The following SORCS2 variants were observed in gnomAD, a reference collection of about 807,000 sequenced individuals.
SORCS2 encodes VPS10 domain-containing receptor SorCS2.
In SORCS2, 100 loss-of-function variants were observed where a neutral mutation model predicts 141.6. The observed-to-expected ratio is 0.71, with a 90% CI of 0.60 to 0.83. SORCS2 has a LOEUF of 0.83. Among genes scored for constraint, SORCS2 ranks in the 40% least tolerant of loss-of-function variants. The pLI is 0.00. For synonymous variants in SORCS2, 789 were observed against 676.9 expected (o/e 1.17, Z -2.57); for missense variants, 1,646 against 1,560.2 (o/e 1.05, Z -0.93).
intron 3 of SORCS2, among the ~76,000 whole-genome samples, chr4:7,543,510 TCCATCC>T (rs1712878200): frequency 7.2e-6 from 1 of 138,844 alleles, no homozygotes; most frequent in African/African-American, 2.7e-5. Context: ...CATCCATCCA[TCCATCC>T]ATCCGTCCAT....
intron 1 of SORCS2, among the ~76,000 whole-genome samples, chr4:7,351,407 G>A (rs1267240633): frequency 6.6e-6 from 1 of 152,078 alleles, no homozygotes; most frequent in Non-Finnish European, 1.5e-5. Flanking sequence ...TTCCAGCTCT[G>A]CTCTGTCTGC....
chr4:7,558,040 A>G lies in SORCS2; in HGVS notation c.648+26411A>G, dbSNP rs116237241. 8.8e-3 allele frequency among the ~76,000 whole-genome samples: 1,347 copies of G among 152,266 alleles called. 20 individuals carry two copies. Among genetic ancestry groups the G allele is most frequent in the African/African-American group, 0.03 (1,242 of 41,550 alleles). On this transcript the variant is annotated intron_variant, in intron 3 of 26. Coordinates refer to ENST00000507866, the MANE Select transcript of SORCS2 (RefSeq NM_020777.3). ...TGAAGCCTCTGAGGTTTCCTACAAC[A>G]CTAGAGCCGGAGGAGGTGTTGAGTG...
intron 11 of SORCS2, among the ~76,000 whole-genome samples, chr4:7,694,910 GA>G (rs2063513886): frequency 1.4e-4 from 21 of 151,986 alleles, no homozygotes; most frequent in Admixed American, 9.2e-4. Context: ...GCTCCACTCG[GA>G]GGCTCTTTCC....
At chr4:7,509,113 A>G (rs1219031158) in intron 2 of SORCS2, among the ~76,000 whole-genome samples, 2 of 152,222 alleles carry the variant, frequency 1.3e-5, no homozygotes, top group African/African-American at 4.8e-5. Context: ...TTCTGTACAT[A>G]GAACAGAGTC....
At position 7,374,895 on chromosome 4, in the gene SORCS2, G is replaced by A. The variant is rs148544542; in HGVS notation, c.481-21393G>A. ...GGGTGTGTGGTCTGCATGGGCTTGCGGGCAAGGCCTGGAGCTGGGCTGGAG... is the reference window on the plus strand; with the variant it reads ...GGGTGTGTGGTCTGCATGGGCTTGCAGGCAAGGCCTGGAGCTGGGCTGGAG... On this transcript the variant is annotated intron_variant, in intron 1 of 26. Transcript: ENST00000507866. Among the ~76,000 whole-genome samples the A allele has an allele frequency of 7.7e-3, 1,171 of 152,256 alleles. 8 individuals carry two copies. The highest frequency in any genetic ancestry group is 0.01 in the Non-Finnish European group (697 of 68,010).
intron 3 of SORCS2, among the ~76,000 whole-genome samples, chr4:7,553,697 T>C (rs1713898855): frequency 6.6e-6 from 1 of 152,160 alleles, no homozygotes. Context: ...ACAGCTGTTG[T>C]TGTGAGAATG....
rs372004331 is a variant in SORCS2, at chr4:7,412,598, G to C, written c.548+16243G>C. Among the ~76,000 whole-genome samples, 100 of 152,206 alleles carry C rather than the reference G, an allele frequency of 6.6e-4. 1 individual carries two copies. In the South Asian group the frequency reaches 0.019, roughly 28 times the overall value. On this transcript the variant is annotated intron_variant, in intron 2 of 26. Transcript: ENST00000507866. Reference sequence around the variant, plus strand: ...GGTGATGATTTGATTCTGCACCTGTGATCAGCTGAGAATCGTCTCTCAGGG... The same window carrying C: ...GGTGATGATTTGATTCTGCACCTGTCATCAGCTGAGAATCGTCTCTCAGGG...
chr4:7,219,728 C>A lies in SORCS2; in HGVS notation c.480+26602C>A, dbSNP rs553679621. 2.0e-5 allele frequency among the ~76,000 whole-genome samples: 3 copies of A among 152,162 alleles called. No homozygotes were observed. The South Asian group carries it at 6.2e-4, about 32-fold the overall frequency. ...TTCCTGCTGGGTCCCTCCCATGACACGTGGGGATCGTGGGAACTACAATTC... is the reference window on the plus strand; with the variant it reads ...TTCCTGCTGGGTCCCTCCCATGACAAGTGGGGATCGTGGGAACTACAATTC... On this transcript the variant is annotated intron_variant, in intron 1 of 26. Coordinates refer to ENST00000507866, the MANE Select transcript of SORCS2 (RefSeq NM_020777.3).
intron 1 of SORCS2, among the ~76,000 whole-genome samples, chr4:7,282,338 A>C (rs1313436211): frequency 6.6e-6 from 1 of 152,158 alleles, no homozygotes; most frequent in Non-Finnish European, 1.5e-5. Flanking sequence ...CTTTTCCTCC[A>C]CCCCTTTAAA....
chr4:7,492,225 C>T (rs992081926), intron 2 of SORCS2, among the ~76,000 whole-genome samples: 9 of 152,238 alleles, frequency 5.9e-5, no homozygotes, highest in Non-Finnish European at 7.3e-5. Context: ...TGACATCTCC[C>T]GAGTCCTCCC....
chr4:7,591,866 G>A (rs1055351566), intron 3 of SORCS2, among the ~76,000 whole-genome samples: 2 of 152,176 alleles, frequency 1.3e-5, no homozygotes, highest in Admixed American at 1.3e-4. Flanking sequence ...TGCGGTGTTT[G>A]TGCTTATCTG....
At chr4:7,242,967 A>C (rs1194651658) in intron 1 of SORCS2, among the ~76,000 whole-genome samples, 1 of 152,214 alleles carries the variant, frequency 6.6e-6, no homozygotes, top group African/African-American at 2.4e-5. Context: ...GTGGGCTAGC[A>C]GTGACACATG....
intron 1 of SORCS2, among the ~76,000 whole-genome samples, chr4:7,329,533 G>C (rs1231056028): frequency 2.0e-5 from 3 of 152,202 alleles, no homozygotes; most frequent in South Asian, 2.1e-4. Context: ...AGCTCAGTCT[G>C]GGGGAGAGGC....
intron 1 of SORCS2, among the ~76,000 whole-genome samples, chr4:7,306,977 G>A (rs934881520): frequency 1.3e-4 from 20 of 152,188 alleles, no homozygotes; most frequent in African/African-American, 4.6e-4. Context: ...CGTGTGTCCC[G>A]GAGCTGATTC....
intron 1 of SORCS2, among the ~76,000 whole-genome samples, chr4:7,358,624 G>T (rs930325436): frequency 1.3e-5 from 2 of 152,152 alleles, no homozygotes; most frequent in Non-Finnish European, 2.9e-5. Context: ...TCTAAGTAGC[G>T]TTTCTATTTG....
intron 9 of SORCS2, among the ~76,000 whole-genome samples, chr4:7,678,221 C>T (rs895239921): frequency 1.4e-5 from 2 of 141,816 alleles, no homozygotes; most frequent in Admixed American, 1.4e-4. Flanking sequence ...TTCCTGGAGG[C>T]GGCTGAGCAG....
chr4:7,645,750 T>TA (rs1721032036), intron 4 of SORCS2, among the ~76,000 whole-genome samples: 2 of 152,176 alleles, frequency 1.3e-5, no homozygotes, highest in South Asian at 4.1e-4. Flanking sequence ...AAACTTTCTT[T>TA]AAAAAGTCCT....
At chr4:7,627,595 G>A (rs1352270508) in intron 3 of SORCS2, among the ~76,000 whole-genome samples, 1 of 152,172 alleles carries the variant, frequency 6.6e-6, no homozygotes, top group African/African-American at 2.4e-5. Context: ...TTATTTGAGG[G>A]GCAAAGCTCT....
intron 1 of SORCS2, among the ~76,000 whole-genome samples, chr4:7,276,382 G>A (rs1441915567): frequency 2.0e-5 from 3 of 152,208 alleles, no homozygotes; most frequent in East Asian, 1.9e-4. Context: ...GACAAGATAC[G>A]TCCCCAGCTC....
Sources: gnomAD v4.1 joint callset for allele counts (sites outside exome capture counted in the v4.1 genomes callset) on GRCh38, gnomAD v4.1.1 for gene constraint, MANE v1.5 for transcripts, NCBI Gene and HGNC (gene_info 2026-07-23, HGNC 2026-07-21) for gene names.